The following GLB1L3 variants were observed in gnomAD, a reference collection of about 807,000 sequenced individuals.
GLB1L3 encodes the protein beta-galactosidase-1-like protein 3.
Under a neutral mutation model 89.5 loss-of-function variants are expected in GLB1L3, and 89 were observed. That is an observed-to-expected ratio of 0.99 (90% CI 0.84 to 1.19). The LOEUF is 1.19. Ranked by LOEUF, GLB1L3 falls within the 50% of genes most tolerant of loss-of-function variation. The pLI is 0.00. For missense variants in GLB1L3, 812 were observed against 813.3 expected (o/e 1.00, Z 0.02); for synonymous variants, 314 against 312.3 (o/e 1.01, Z -0.06).
At chr11:134,299,363 C>T (rs1035601560) in intron 9 of GLB1L3, among the ~76,000 whole-genome samples, 2 of 152,066 alleles carry the variant, frequency 1.3e-5, no homozygotes, top group South Asian at 2.1e-4. Flanking sequence ...TTGTATGTCT[C>T]ATAATTTTTT....
Position 134,277,908 on chromosome 11 carries a change from A to C in GLB1L3, c.358A>C (p.Thr120Pro), listed in dbSNP as rs773281651. 6.2e-7 allele frequency: 1 copy of C among 1,613,678 alleles called. No individual in the cohort carries two copies. The highest frequency in any genetic ancestry group is 1.1e-5 in the South Asian group (1 of 91,030). ...GAAGGCCTGTGGCTTCAATACTGTC[A>C]CCACGTGAGTGCCGGCCCCTCACCT... ...KLKACGFNTV[T>P]TYVPWNLHEP... Residue 120 changes from threonine to proline, a missense_variant, in exon 3 of 20, where the codon ACC (threonine) becomes CCC (proline). Physicochemically the swap from Thr to Pro is conservative, Grantham distance 38 (BLOSUM62 -1). Transcript: ENST00000431683.
intron 3 of GLB1L3, among the ~76,000 whole-genome samples, chr11:134,280,923 G>C (rs932001631): frequency 3.3e-4 from 50 of 152,224 alleles, no homozygotes; most frequent in Admixed American, 2.7e-3. Context: ...AGGGTCCCCT[G>C]GGGGCCCTTC....
chr11:134,313,312 A>G (rs1942831043), intron 15 of GLB1L3, 84 bp from the exon 16 acceptor site: 1 of 987,984 alleles, frequency 1.0e-6, no homozygotes, highest in African/African-American at 1.6e-5. Context: ...GTGTCTCTCC[A>G]TGTGGGACTC....
At chr11:134,314,769 C>A (rs866107897) in intron 18 of GLB1L3, among the ~76,000 whole-genome samples, 6 of 152,312 alleles carry the variant, frequency 3.9e-5, no homozygotes, top group Non-Finnish European at 5.9e-5. Flanking sequence ...TTATATATAA[C>A]TTTGCCTGAA....
intron 18 of GLB1L3, among the ~76,000 whole-genome samples, chr11:134,317,741 T>G (rs780795606): frequency 1.4e-4 from 21 of 152,214 alleles, no homozygotes; most frequent in Non-Finnish European, 2.5e-4. Context: ...CTTTGCCTAT[T>G]GACTATTGAA....
intron 1 of GLB1L3, 69 bp downstream of exon 1, chr11:134,276,832 C>A (rs1940391667): frequency 7.8e-7 from 1 of 1,282,332 alleles, no homozygotes; most frequent in Non-Finnish European, 9.9e-7. Flanking sequence ...CTCCACCCTC[C>A]CCGGGTTCTG....
chr11:134,284,535 C>T (rs578213838), intron 6 of GLB1L3, among the ~76,000 whole-genome samples: 39 of 152,112 alleles, frequency 2.6e-4, no homozygotes, highest in Admixed American at 1.2e-3. Flanking sequence ...CGAGATCAGC[C>T]TGACCAACAT....
At chr11:134,280,677 T>G (rs1462817367) in intron 3 of GLB1L3, among the ~76,000 whole-genome samples, 1 of 152,144 alleles carries the variant, frequency 6.6e-6, no homozygotes, top group Admixed American at 6.5e-5. Flanking sequence ...GTTAAGCTCA[T>G]AGAAGGCCAT....
chr11:134,285,486 G>C (rs183868956), intron 6 of GLB1L3, among the ~76,000 whole-genome samples: 2 of 152,004 alleles, frequency 1.3e-5, no homozygotes, highest in Admixed American at 1.3e-4. Flanking sequence ...CTCGAGATGG[G>C]ATAAAAATCT....
chr11:134,300,680 T>C (rs963123596), intron 9 of GLB1L3, among the ~76,000 whole-genome samples: 3 of 152,186 alleles, frequency 2.0e-5, no homozygotes, highest in African/African-American at 7.2e-5. Flanking sequence ...TGTTCTCCTC[T>C]GAGGCCTCTC....
In GLB1L3 at chr11:134,312,404, G is replaced by A; in HGVS notation, c.1343G>A (p.Ser448Asn). ...GAGAACCTTCCCATAAACAATGGGA[G>A]CGGCCAGTCCTACGGGCTTGTCCTG... ...NMENLPINNG[S>N]GQSYGLVLYE... The change falls in exon 14 of 20, where the codon AGC becomes AAC. Residue 448 changes from serine (S) to asparagine (N), a missense_variant. This residue lies in a region of GLB1L3 where 618 missense variants were observed against 604.0 expected (regional missense o/e 1.02). Coordinates refer to ENST00000431683, the MANE Select transcript of GLB1L3 (RefSeq NM_001080407.3). 1 of 1,613,816 alleles carries A rather than the reference G, an allele frequency of 6.2e-7. No individual in the cohort carries two copies.
intron 3 of GLB1L3, 137 bp from the exon 4 acceptor site, chr11:134,281,240 G>C (rs987877817): frequency 3.1e-6 from 3 of 979,862 alleles, no homozygotes; most frequent in African/African-American, 1.6e-5. Context: ...TGTAACAGAG[G>C]TTTAATTTCC....
intron 9 of GLB1L3, among the ~76,000 whole-genome samples, chr11:134,297,390 T>C (rs1340836036): frequency 6.6e-6 from 1 of 152,228 alleles, no homozygotes; most frequent in Non-Finnish European, 1.5e-5. Flanking sequence ...TAGTTATTGA[T>C]ATGGTTTGAC....
chr11:134,290,052 A>G (rs1274679695), intron 7 of GLB1L3, among the ~76,000 whole-genome samples: 2 of 152,174 alleles, frequency 1.3e-5, no homozygotes, highest in Non-Finnish European at 2.9e-5. Flanking sequence ...GCTGGACTTC[A>G]TCCACGTGCT....
rs1209740120 is a variant in GLB1L3, at chr11:134,318,917, A to C, written c.1937A>C (p.Lys646Thr). ...FEKMMSGSDIKSTDKPTL is the reference protein window; with the variant it reads ...FEKMMSGSDITSTDKPTL Reference sequence around the variant, plus strand: ...AAGATGATGAGTGGCTCAGATATCAAATCTACAGACAAGCCCACGCTGTAA... The same window carrying C: ...AAGATGATGAGTGGCTCAGATATCACATCTACAGACAAGCCCACGCTGTAA... Residue 646 changes from lysine to threonine, a missense_variant, in exon 20 of 20, where the codon AAA (lysine) becomes ACA (threonine). Transcript: ENST00000431683. 1 of 1,613,440 alleles carries C rather than the reference A, an allele frequency of 6.2e-7. No individual in the cohort carries two copies. Among genetic ancestry groups the C allele is most frequent in the South Asian group, 1.1e-5 (1 of 91,052 alleles).
At chr11:134,289,565 A>G (rs549602779) in intron 7 of GLB1L3, among the ~76,000 whole-genome samples, 1 of 152,354 alleles carries the variant, frequency 6.6e-6, no homozygotes, top group South Asian at 2.1e-4. Flanking sequence ...TAGAAGACAG[A>G]ACATGGCATT....
At chr11:134,293,313 A>C in intron 9 of GLB1L3, 104 bp downstream of exon 9, 1 of 968,172 alleles carries the variant, frequency 1.0e-6, no homozygotes, top group South Asian at 1.6e-5. Context: ...AGAAGACCGC[A>C]GGTTTTCACC....
At chr11:134,280,927 G>A (rs1176791456) in intron 3 of GLB1L3, among the ~76,000 whole-genome samples, 3 of 152,076 alleles carry the variant, frequency 2.0e-5, no homozygotes, top group Non-Finnish European at 4.4e-5. Context: ...TCCCCTGGGG[G>A]CCCTTCTTGC....
chr11:134,303,626 C>T (rs1007190043), intron 9 of GLB1L3, among the ~76,000 whole-genome samples: 8 of 152,206 alleles, frequency 5.3e-5, no homozygotes, highest in Non-Finnish European at 8.8e-5. Context: ...TGACTCTGGC[C>T]ACTCCATCAG....
Sources: allele counts gnomAD v4.1 joint callset (sites outside exome capture counted in the v4.1 genomes callset), GRCh38; gene constraint gnomAD v4.1.1; regional missense constraint gnomAD v4.1.1; transcripts MANE v1.5; gene names NCBI Gene and HGNC (gene_info 2026-07-23, HGNC 2026-07-21).